Variants in MCU observed in about 807,000 individuals in gnomAD.
MCU encodes calcium uniporter protein, mitochondrial.
MCU carries 12 observed loss-of-function variants against 45.2 expected under a neutral mutation model. The observed-to-expected ratio is 0.27, with a 90% CI of 0.17 to 0.43. The LOEUF is 0.43. Among genes scored for constraint, MCU ranks in the 20% least tolerant of loss-of-function variants. The probability of loss-of-function intolerance (pLI) is 1.00; values close to 1 mark genes in which losing one functional copy is unlikely to be tolerated. For missense variants in MCU, 324 were observed against 436.7 expected, an observed-to-expected ratio of 0.74 and a Z score of 2.30; for synonymous variants, 160 against 165.1, an observed-to-expected ratio of 0.97 and a Z score of 0.24.
At chr10:72,831,094 C>T (rs1227299562) in intron 1 of MCU, among the ~76,000 whole-genome samples, 1 of 152,074 alleles carries the variant, frequency 6.6e-6, no homozygotes, top group African/African-American at 2.4e-5. Context: ...TGATCTATAG[C>T]ATTAAGACTA....
chr10:72,808,875 C>T (rs1844495498), intron 1 of MCU, among the ~76,000 whole-genome samples: 1 of 152,142 alleles, frequency 6.6e-6, no homozygotes, highest in African/African-American at 2.4e-5. Context: ...AGGGGGAAAT[C>T]CACCTCCATG....
intron 1 of MCU, chr10:72,731,213 C>G (rs983124214): frequency 6.6e-6 from 1 of 152,122 alleles, no homozygotes; most frequent in African/African-American, 2.4e-5. Flanking sequence ...TAGGTGTGAG[C>G]CACCACACCT....
chr10:72,812,392 C>T (rs542660027), intron 1 of MCU, among the ~76,000 whole-genome samples: 6 of 152,256 alleles, frequency 3.9e-5, no homozygotes, highest in African/African-American at 1.2e-4. Context: ...GTGATCCGCC[C>T]GCCTCGGCTT....
At chr10:72,746,642 C>T (rs970853714) in intron 1 of MCU, among the ~76,000 whole-genome samples, 1 of 152,170 alleles carries the variant, frequency 6.6e-6, no homozygotes, top group Non-Finnish European at 1.5e-5. Context: ...ATTACACTAG[C>T]CCTTATGTGT....
chr10:72,796,449 A>C (rs905351131), intron 1 of MCU, among the ~76,000 whole-genome samples: 14 of 152,160 alleles, frequency 9.2e-5, no homozygotes, highest in Admixed American at 9.2e-4. Context: ...ACAACAACAA[A>C]AAACCTTTAA....
intron 1 of MCU, among the ~76,000 whole-genome samples, chr10:72,809,671 A>G (rs1844508381): frequency 6.6e-6 from 1 of 152,226 alleles, no homozygotes; most frequent in Non-Finnish European, 1.5e-5. Flanking sequence ...TCAAGACATT[A>G]TTTTCATTGA....
chr10:72,757,946 A>G (rs2132718919), intron 1 of MCU, among the ~76,000 whole-genome samples: 1 of 152,356 alleles, frequency 6.6e-6, no homozygotes, highest in South Asian at 2.1e-4. Context: ...CCTATGTAGC[A>G]TCTTCAACAA....
At chr10:72,885,336 A>G (rs944780957) in intron 7 of MCU, among the ~76,000 whole-genome samples, 1 of 152,242 alleles carries the variant, frequency 6.6e-6, no homozygotes, top group African/African-American at 2.4e-5. Context: ...CTGGCTAAGT[A>G]AAAACTTAAA....
chr10:72,787,361 C>T (rs961421934), intron 1 of MCU, among the ~76,000 whole-genome samples: 10 of 152,152 alleles, frequency 6.6e-5, no homozygotes, highest in African/African-American at 2.4e-4. Context: ...CTCCGCCTCC[C>T]GGCTTCAAGC....
intron 1 of MCU, among the ~76,000 whole-genome samples, chr10:72,807,669 A>G (rs964640626): frequency 1.3e-5 from 2 of 152,124 alleles, no homozygotes; most frequent in African/African-American, 4.8e-5. Context: ...ACACACACAC[A>G]TAAGCTTTGC....
At chr10:72,728,378 TAGTTG>T (rs1307439466) in intron 1 of MCU, among the ~76,000 whole-genome samples, 1 of 152,236 alleles carries the variant, frequency 6.6e-6, no homozygotes, top group Non-Finnish European at 1.5e-5. Context: ...AATAGTTAAC[TAGTTG>T]ATTATTAATA....
intron 1 of MCU, chr10:72,692,953 C>T: frequency 6.5e-7 from 1 of 1,533,166 alleles, no homozygotes; most frequent in Non-Finnish European, 8.7e-7. Flanking sequence ...AAGCTTCATC[C>T]TCTTGGGTCC....
chr10:72,876,935 T>G (rs1289993959), intron 6 of MCU, among the ~76,000 whole-genome samples: 1 of 151,688 alleles, frequency 6.6e-6, no homozygotes, highest in East Asian at 1.9e-4. Context: ...TTTTTTTTTT[T>G]TTTTGAGACA....
chr10:72,807,146 T>G (rs558875869), intron 1 of MCU, among the ~76,000 whole-genome samples: 2 of 152,338 alleles, frequency 1.3e-5, no homozygotes, highest in East Asian at 3.9e-4. Context: ...TCATTTATTA[T>G]GTGGAAATTT....
At chr10:72,846,568 C>T (rs938784125) in intron 2 of MCU, among the ~76,000 whole-genome samples, 4 of 152,120 alleles carry the variant, frequency 2.6e-5, no homozygotes, top group African/African-American at 7.2e-5. Flanking sequence ...TAATACTAAC[C>T]CCCCATGTAC....
intron 1 of MCU, among the ~76,000 whole-genome samples, chr10:72,746,183 T>C (rs1310949304): frequency 6.6e-6 from 1 of 152,226 alleles, no homozygotes; most frequent in African/African-American, 2.4e-5. Flanking sequence ...ACTATAGTTA[T>C]AGTATTCGAA....
chr10:72,854,386 G>A (rs1845255557), intron 2 of MCU, among the ~76,000 whole-genome samples: 1 of 152,148 alleles, frequency 6.6e-6, no homozygotes, highest in African/African-American at 2.4e-5. Flanking sequence ...CATATACTAT[G>A]CAAAACAAAA....
chr10:72,803,694 G>T (rs563722607), intron 1 of MCU, among the ~76,000 whole-genome samples: 2 of 151,638 alleles, frequency 1.3e-5, no homozygotes, highest in African/African-American at 2.4e-5. Flanking sequence ...CCAACACATA[G>T]CCTATCTTAT....
intron 1 of MCU, among the ~76,000 whole-genome samples, chr10:72,813,517 G>A (rs1844577645): frequency 7.6e-6 from 1 of 131,830 alleles, no homozygotes; most frequent in Non-Finnish European, 1.6e-5. Context: ...GGAGTGCAGT[G>A]GCACAATCTT....
Sources: gnomAD v4.1 joint callset for allele counts (sites outside exome capture counted in the v4.1 genomes callset) on GRCh38, gnomAD v4.1.1 for gene constraint, MANE v1.5 for transcripts, NCBI Gene and HGNC (gene_info 2026-07-23, HGNC 2026-07-21) for gene names.